The following TMEM232 variants were observed in gnomAD, a reference collection of about 807,000 sequenced individuals.
The protein encoded by TMEM232 is transmembrane protein 232.
A neutral mutation model predicts 78.8 loss-of-function variants in TMEM232; 80 were observed. The observed-to-expected ratio is 1.01, with a 90% CI of 0.85 to 1.22. The LOEUF is 1.22. Ranked by LOEUF, TMEM232 falls within the 50% of genes most tolerant of loss-of-function variation. The pLI is 0.00. For missense variants in TMEM232, 881 were observed against 742.2 expected, an observed-to-expected ratio of 1.19 and a Z score of -2.17; for synonymous variants, 297 against 254.3, an observed-to-expected ratio of 1.17 and a Z score of -1.60.
At chr5:110,609,579 T>A (rs1173251505) in intron 8 of TMEM232, among the ~76,000 whole-genome samples, 1 of 151,870 alleles carries the variant, frequency 6.6e-6, no homozygotes, top group African/African-American at 2.4e-5. Context: ...TAGTATACAG[T>A]GTCTATAGGC....
intron 12 of TMEM232, among the ~76,000 whole-genome samples, chr5:110,507,252 C>A (rs1008816675): frequency 6.6e-6 from 1 of 152,108 alleles, no homozygotes; most frequent in African/African-American, 2.4e-5. Context: ...GATATGCATG[C>A]ACTTGTCACA....
chr5:110,576,032 C>T (rs555560094), intron 10 of TMEM232, among the ~76,000 whole-genome samples: 8 of 151,952 alleles, frequency 5.3e-5, no homozygotes, highest in South Asian at 2.1e-4. Flanking sequence ...AGTGATGGTC[C>T]GCAGACTTCA....
chr5:110,516,103 G>C (rs540316248), intron 12 of TMEM232, among the ~76,000 whole-genome samples: 2 of 152,202 alleles, frequency 1.3e-5, no homozygotes, highest in Non-Finnish European at 2.9e-5. Flanking sequence ...CCCGGGCGTG[G>C]TGGCAGGCAC....
At chr5:110,574,348 A>G (rs1378664591) in intron 10 of TMEM232, among the ~76,000 whole-genome samples, 1 of 152,128 alleles carries the variant, frequency 6.6e-6, no homozygotes, top group African/African-American at 2.4e-5. Flanking sequence ...AAGCAAAGTG[A>G]TGATAGTTTG....
At chr5:110,488,742 A>G (rs1266447526) in intron 12 of TMEM232, among the ~76,000 whole-genome samples, 2 of 152,128 alleles carry the variant, frequency 1.3e-5, no homozygotes, top group East Asian at 3.9e-4. Flanking sequence ...AAAATAGTAA[A>G]CAATAGAGAA....
intron 12 of TMEM232, among the ~76,000 whole-genome samples, chr5:110,448,927 T>A (rs1365229981): frequency 3.3e-5 from 5 of 151,734 alleles, no homozygotes. Flanking sequence ...AACAAAAAGA[T>A]GGAACACAAG....
chr5:110,411,991 T>A (rs985721243), intron 2 of TMEM232, among the ~76,000 whole-genome samples: 1 of 152,130 alleles, frequency 6.6e-6, no homozygotes, highest in African/African-American at 2.4e-5. Context: ...TATATATTAG[T>A]TTCATATTTT....
intron 10 of TMEM232, among the ~76,000 whole-genome samples, chr5:110,596,769 G>T (rs1363992929): frequency 5.9e-5 from 9 of 152,094 alleles, no homozygotes; most frequent in Non-Finnish European, 8.8e-5. Context: ...AAAACCACAC[G>T]ATTATCTCAA....
intron 12 of TMEM232, among the ~76,000 whole-genome samples, chr5:110,436,409 C>G (rs1758441200): frequency 6.6e-6 from 1 of 151,916 alleles, no homozygotes; most frequent in Admixed American, 6.6e-5. Context: ...TTTGAGTTGT[C>G]TCTTCACTTT....
intron 7 of TMEM232, among the ~76,000 whole-genome samples, chr5:110,622,827 C>T: frequency 7.1e-6 from 1 of 140,192 alleles, no homozygotes; most frequent in Admixed American, 7.5e-5. Context: ...GAACATCACA[C>T]TCTGGGGAAT....
chr5:110,413,430 G>A (rs967363354), intron 2 of TMEM232, among the ~76,000 whole-genome samples: 2 of 152,072 alleles, frequency 1.3e-5, no homozygotes, highest in Non-Finnish European at 2.9e-5. Context: ...GCTTGCAGAT[G>A]GCCTATTGTG....
intron 2 of TMEM232, among the ~76,000 whole-genome samples, chr5:110,410,182 CTG>C (rs10616262): frequency 0.089 from 13,540 of 152,200 alleles, 766 homozygotes; most frequent in South Asian, 0.17. Context: ...GCATGGAACT[CTG>C]TGTTAATTCT....
At chr5:110,396,462 CTG>C (rs1755391493) in intron 3 of TMEM232, among the ~76,000 whole-genome samples, 1 of 152,166 alleles carries the variant, frequency 6.6e-6, no homozygotes, top group African/African-American at 2.4e-5. Context: ...TAAATCCTAA[CTG>C]TAAACTGTAT....
intron 11 of TMEM232, among the ~76,000 whole-genome samples, chr5:110,556,721 G>A (rs986668037): frequency 6.6e-6 from 1 of 152,088 alleles, no homozygotes; most frequent in Non-Finnish European, 1.5e-5. Context: ...AATTTCTTCT[G>A]GCTTGTAGGG....
chr5:110,445,897 A>AATCT (rs1173327552), intron 12 of TMEM232, among the ~76,000 whole-genome samples: 1 of 152,114 alleles, frequency 6.6e-6, no homozygotes, highest in African/African-American at 2.4e-5. Flanking sequence ...GAGAAATTAC[A>AATCT]ATCTTTTTGC....
At chr5:110,647,394 C>A (rs1448294904) in intron 2 of TMEM232, among the ~76,000 whole-genome samples, 1 of 151,858 alleles carries the variant, frequency 6.6e-6, no homozygotes, top group East Asian at 1.9e-4. Flanking sequence ...TCCTTTTGTC[C>A]AATTTTTATG....
intron 10 of TMEM232, among the ~76,000 whole-genome samples, chr5:110,572,727 T>C (rs897093048): frequency 6.6e-6 from 1 of 152,076 alleles, no homozygotes; most frequent in Non-Finnish European, 1.5e-5. Flanking sequence ...TGTTCACCTG[T>C]TGATTTAAAC....
chr5:110,663,083 C>G (rs907071308), intron 2 of TMEM232, among the ~76,000 whole-genome samples: 89 of 152,110 alleles, frequency 5.9e-4, no homozygotes, highest in African/African-American at 2.1e-3. Flanking sequence ...GATGCCCATA[C>G]AGCAATGTAT....
chr5:110,676,434 C>T (rs965322662), intron 1 of TMEM232, among the ~76,000 whole-genome samples: 14 of 150,950 alleles, frequency 9.3e-5, no homozygotes, highest in African/African-American at 3.2e-4. Flanking sequence ...CTCACTCTGT[C>T]ACCCAGGCTG....
Sources: allele counts gnomAD v4.1 joint callset (sites outside exome capture counted in the v4.1 genomes callset), GRCh38; gene constraint gnomAD v4.1.1; transcripts MANE v1.5; gene names NCBI Gene and HGNC (gene_info 2026-07-23, HGNC 2026-07-21).